The following VPS13A variants were observed in gnomAD, a reference collection of about 807,000 sequenced individuals.
The protein encoded by VPS13A is vacuolar protein sorting 13 homolog A, also known as intermembrane lipid transfer protein VPS13A.
Under a neutral mutation model 390.9 loss-of-function variants are expected in VPS13A, and 264 were observed. The observed-to-expected ratio is 0.68, with a 90% CI of 0.61 to 0.75. VPS13A has a LOEUF of 0.75. Among genes scored for constraint, VPS13A ranks in the 30% least tolerant of loss-of-function variants. The pLI is 0.00. For missense variants in VPS13A, 3,409 were observed against 3,733.9 expected, an observed-to-expected ratio of 0.91 and a Z score of 2.27; for synonymous variants, 1,231 against 1,227.1, an observed-to-expected ratio of 1.00 and a Z score of -0.07.
rs530735143 is a variant in VPS13A at position 77,394,309 on chromosome 9, C to T, written c.9190-8927C>T. Among the ~76,000 whole-genome samples, 31 of 152,130 alleles carry T rather than the reference C, an allele frequency of 2.0e-4. No homozygotes were observed. The East Asian group carries it at 4.5e-3, about 22-fold the overall frequency. The stretch of plus-strand genomic sequence containing the variant: ...CTTGAACTCTTGTGCTCAAGCGATC[C>T]GCCCACCATGGCCTCCCAAAGTGCT... On this transcript the variant is annotated intron_variant, in intron 68 of 71. Coordinates refer to ENST00000360280, the MANE Select transcript of VPS13A (RefSeq NM_033305.3).
At chr9:77,348,360 A>G (rs1284640322) in intron 52 of VPS13A, among the ~76,000 whole-genome samples, 1 of 152,160 alleles carries the variant, frequency 6.6e-6, no homozygotes, top group Admixed American at 6.5e-5. Flanking sequence ...CCTCAGCAAC[A>G]AGAACAGAAA....
At chr9:77,255,752 A>G (rs1401350212) in intron 22 of VPS13A, among the ~76,000 whole-genome samples, 2 of 151,956 alleles carry the variant, frequency 1.3e-5, no homozygotes, top group East Asian at 1.9e-4. Flanking sequence ...GTTTCTTGGA[A>G]TTTGTTTCAT....
intron 59 of VPS13A, among the ~76,000 whole-genome samples, chr9:77,363,397 T>A (rs984554003): frequency 3.5e-4 from 33 of 94,516 alleles, no homozygotes; most frequent in Middle Eastern, 5.8e-3. Context: ...TTAATTTTTT[T>A]TTTTTTATTT....
In VPS13A at chr9:77,314,531, C is replaced by T; in HGVS notation, c.4279C>T (p.Leu1427Phe). The change falls in exon 37 of 72, where the codon CTT (leucine) becomes TTT (phenylalanine). Residue 1427 changes from leucine to phenylalanine, a missense_variant. By Grantham distance (22) the Leu-to-Phe change is conservative (BLOSUM62 0). Transcript: ENST00000360280. ...AGATGTTCGTGATCCTTCTCTGAAA[C>T]TTGCTGAATTTAAATTGGAGAATAT... ...FTDVRDPSLKLAEFKLENIIS... is the reference protein window; with the variant it reads ...FTDVRDPSLKFAEFKLENIIS... 2.5e-6 allele frequency: 4 copies of T among 1,612,412 alleles called. No individual in the cohort carries two copies. The highest frequency in any genetic ancestry group is 3.4e-6 in the Non-Finnish European group (4 of 1,179,314).
At chr9:77,219,413 C>T (rs746204758) in intron 10 of VPS13A, among the ~76,000 whole-genome samples, 2 of 151,976 alleles carry the variant, frequency 1.3e-5, no homozygotes, top group East Asian at 1.9e-4. Context: ...TTTTTGGCAC[C>T]AAACACAAAG....
intron 22 of VPS13A, among the ~76,000 whole-genome samples, chr9:77,256,955 T>C (rs1243672024): frequency 6.6e-6 from 1 of 152,182 alleles, no homozygotes; most frequent in Non-Finnish European, 1.5e-5. Flanking sequence ...TTTTGTCACT[T>C]GAAGTTTTTA....
intron 38 of VPS13A, 82 bp downstream of exon 38, chr9:77,315,552 A>C: frequency 1.6e-6 from 2 of 1,277,370 alleles, no homozygotes; most frequent in Non-Finnish European, 2.2e-6. Context: ...CTTTTAGATC[A>C]TCAAAGTAAA....
chr9:77,358,968 G>T (rs529399301), intron 57 of VPS13A, among the ~76,000 whole-genome samples: 9 of 151,904 alleles, frequency 5.9e-5, no homozygotes, highest in African/African-American at 2.2e-4. Context: ...AACTATCCTG[G>T]GGGGAGTACT....
intron 23 of VPS13A, among the ~76,000 whole-genome samples, chr9:77,270,187 A>G (rs997388684): frequency 6.6e-6 from 1 of 152,212 alleles, no homozygotes; most frequent in Non-Finnish European, 1.5e-5. Context: ...GGTAATGGGC[A>G]GAGACTGGAA....
At chr9:77,255,219 A>G (rs62573200) in intron 22 of VPS13A, among the ~76,000 whole-genome samples, 15,587 of 152,124 alleles carry the variant, frequency 0.1, 830 homozygotes, top group Middle Eastern at 0.13. Flanking sequence ...AATTTTTTCA[A>G]ATCCTTTCTG....
Position 77,221,283 on chromosome 9 carries a change from A to G in VPS13A, c.1088A>G (p.Lys363Arg), listed in dbSNP as rs901676335. The G allele has an allele frequency of 6.2e-7, 1 of 1,613,452 alleles. No individual in the cohort carries two copies. The highest frequency in any genetic ancestry group is 1.3e-5 in the African/African-American group (1 of 74,892). Residue 363 changes from lysine (K) to arginine (R), a missense_variant, in exon 13 of 72, where the codon AAG (lysine) becomes AGG (arginine). Transcript: ENST00000360280. ...KHIRKHRQKV[K>R]QYKELYKKKL... ...ATTAGAAAACATAGGCAAAAAGTGA[A>G]GCAATATAAAGAACTGTATAAAAAA...
intron 68 of VPS13A, among the ~76,000 whole-genome samples, chr9:77,385,777 A>G (rs1833657529): frequency 6.6e-6 from 1 of 152,100 alleles, no homozygotes; most frequent in Non-Finnish European, 1.5e-5. Context: ...GCAACAGGTG[A>G]TTTAATTTAA....
intron 68 of VPS13A, among the ~76,000 whole-genome samples, chr9:77,400,594 G>C (rs1224715385): frequency 6.6e-6 from 1 of 151,930 alleles, no homozygotes; most frequent in East Asian, 1.9e-4. Context: ...TTGGGAGGCA[G>C]AGGCGGGCAG....
In VPS13A at chr9:77,387,828, G is replaced by A. The variant is rs114994647; in HGVS notation, c.9189+5741G>A. ...TTGATTTTAAGTTCATGTTATTTAA[G>A]TGTACACCTGGAGCCACTGCATACT... On this transcript the variant is annotated intron_variant, in intron 68 of 71. Coordinates refer to ENST00000360280, the MANE Select transcript of VPS13A (RefSeq NM_033305.3). Among the ~76,000 whole-genome samples, 1,256 of 152,216 alleles carry A rather than the reference G, an allele frequency of 8.3e-3. 22 individuals are homozygous for A. Among genetic ancestry groups the A allele is most frequent in the African/African-American group, 0.029 (1,204 of 41,528 alleles).
intron 33 of VPS13A, among the ~76,000 whole-genome samples, chr9:77,296,385 C>T (rs567120323): frequency 5.2e-4 from 79 of 152,136 alleles, no homozygotes; most frequent in Non-Finnish European, 9.3e-4. Context: ...TGTGCTATTT[C>T]TAATTGCCCA....
chr9:77,191,241 C>T (rs112122501), intron 1 of VPS13A, among the ~76,000 whole-genome samples: 40 of 150,458 alleles, frequency 2.7e-4, no homozygotes, highest in African/African-American at 7.8e-4. Flanking sequence ...TATATTGTAT[C>T]TTTGTTTTCA....
chr9:77,202,258 C>A (rs2183861), intron 3 of VPS13A, among the ~76,000 whole-genome samples: 15,501 of 152,172 alleles, frequency 0.1, 823 homozygotes, highest in Middle Eastern at 0.12. Flanking sequence ...ATCCTCCCCA[C>A]TCCTACCTTT....
intron 26 of VPS13A, among the ~76,000 whole-genome samples, chr9:77,277,027 T>C (rs1826724457): frequency 6.6e-6 from 1 of 152,226 alleles, no homozygotes; most frequent in South Asian, 2.1e-4. Context: ...AGTATTCTCC[T>C]TACTGCAAAC....
At chr9:77,385,202 TTTG>T in intron 68 of VPS13A, 1 of 902,066 alleles carries the variant, frequency 1.1e-6, no homozygotes, top group Non-Finnish European at 1.3e-6. Flanking sequence ...GGAGTGTGAA[TTTG>T]TTGTTCTATC....
Sources: gnomAD v4.1 joint callset for allele counts (sites outside exome capture counted in the v4.1 genomes callset) on GRCh38, gnomAD v4.1.1 for gene constraint, MANE v1.5 for transcripts, NCBI Gene and HGNC (gene_info 2026-07-23, HGNC 2026-07-21) for gene names.